Variants in KIAA0825 observed in about 807,000 individuals in gnomAD.
KIAA0825 encodes the protein KIAA0825.
In KIAA0825, 119 loss-of-function variants were observed where a neutral mutation model predicts 147.6. The ratio of observed to expected loss-of-function variants is 0.81; its 90% CI spans 0.69 to 0.94. The LOEUF is 0.94. Ranked by LOEUF, KIAA0825 falls within the 40% of genes least tolerant of loss-of-function variation. The probability of loss-of-function intolerance (pLI) is 0.00; values close to 1 mark genes in which losing one functional copy is unlikely to be tolerated. For synonymous variants in KIAA0825, 470 were observed against 518.1 expected (o/e 0.91, Z 1.26); for missense variants, 1,381 against 1,472.7 (o/e 0.94, Z 1.02).
chr5:94,182,716 ATTGCATACCTTGAGAGATTAT>A (rs1769777257), intron 20 of KIAA0825, among the ~76,000 whole-genome samples: 1 of 152,080 alleles, frequency 6.6e-6, no homozygotes, highest in Non-Finnish European at 1.5e-5. Context: ...TACTTCTAAT[ATTGCATACCTTGAGAGATTAT>A]TTGCAGTTAT....
At chr5:94,216,282 A>C (rs914821575) in intron 20 of KIAA0825, among the ~76,000 whole-genome samples, 2 of 152,208 alleles carry the variant, frequency 1.3e-5, no homozygotes, top group Admixed American at 6.5e-5. Flanking sequence ...AAGGAAGATC[A>C]CTGTGGAAGT....
intron 6 of KIAA0825, among the ~76,000 whole-genome samples, chr5:94,482,079 G>A (rs1456804148): frequency 6.6e-6 from 1 of 151,942 alleles, no homozygotes; most frequent in East Asian, 1.9e-4. Flanking sequence ...ATTTTTTGAA[G>A]TGACAAAAAT....
At chr5:94,332,543 A>G (rs1781392594) in intron 20 of KIAA0825, among the ~76,000 whole-genome samples, 2 of 152,152 alleles carry the variant, frequency 1.3e-5, no homozygotes, top group Non-Finnish European at 2.9e-5. Flanking sequence ...TGTCCCTGCA[A>G]AGACATTAAC....
intron 20 of KIAA0825, among the ~76,000 whole-genome samples, chr5:94,344,266 A>C (rs1782744648): frequency 6.6e-6 from 1 of 152,236 alleles, no homozygotes; most frequent in Non-Finnish European, 1.5e-5. Flanking sequence ...CACAGTAATA[A>C]AAAATATACA....
chr5:94,565,720 T>C (rs1339327192), intron 2 of KIAA0825, among the ~76,000 whole-genome samples: 1 of 152,170 alleles, frequency 6.6e-6, no homozygotes, highest in Non-Finnish European at 1.5e-5. Flanking sequence ...AGTGGGGAAA[T>C]AGTGTGTTCA....
intron 20 of KIAA0825, among the ~76,000 whole-genome samples, chr5:94,232,990 A>G (rs974708922): frequency 1.3e-5 from 2 of 152,196 alleles, no homozygotes; most frequent in Admixed American, 6.5e-5. Context: ...TAAAGTTTGC[A>G]TGGACTAAAA....
intron 20 of KIAA0825, among the ~76,000 whole-genome samples, chr5:94,240,023 C>T (rs906026658): frequency 5.3e-5 from 8 of 152,056 alleles, no homozygotes; most frequent in African/African-American, 1.9e-4. Flanking sequence ...TTTTGCATGA[C>T]AAAAGAGCAG....
chr5:94,483,065 C>A (rs189829811), intron 6 of KIAA0825, among the ~76,000 whole-genome samples: 25 of 152,060 alleles, frequency 1.6e-4, no homozygotes, highest in African/African-American at 5.8e-4. Flanking sequence ...CTCCACATTG[C>A]CTCATCTTAA....
intron 2 of KIAA0825, among the ~76,000 whole-genome samples, chr5:94,537,359 T>C (rs1772253618): frequency 6.6e-6 from 1 of 152,144 alleles, no homozygotes; most frequent in Non-Finnish European, 1.5e-5. Context: ...CTGTATTGTT[T>C]GAAAGCTGAG....
At chr5:94,600,957 C>T (rs1000095039) in intron 1 of KIAA0825, among the ~76,000 whole-genome samples, 2 of 152,082 alleles carry the variant, frequency 1.3e-5, no homozygotes, top group South Asian at 2.1e-4. Context: ...AGGGGTTGGC[C>T]GCCATCTTTG....
intron 14 of KIAA0825, among the ~76,000 whole-genome samples, chr5:94,422,386 A>G (rs546963494): frequency 6.6e-6 from 1 of 152,296 alleles, no homozygotes; most frequent in South Asian, 2.1e-4. Flanking sequence ...CCTTAGTCCA[A>G]TTATACTTCT....
At chr5:94,480,440 G>T (rs1762369983) in intron 6 of KIAA0825, among the ~76,000 whole-genome samples, 1 of 152,004 alleles carries the variant, frequency 6.6e-6, no homozygotes, top group Non-Finnish European at 1.5e-5. Flanking sequence ...TTAATGACAA[G>T]AAGGGACAAA....
At chr5:94,603,246 C>T (rs1264386872) in intron 1 of KIAA0825, among the ~76,000 whole-genome samples, 1 of 152,074 alleles carries the variant, frequency 6.6e-6, no homozygotes, top group Non-Finnish European at 1.5e-5. Flanking sequence ...ACCCTGCAAG[C>T]CAGAAGATAC....
intron 20 of KIAA0825, among the ~76,000 whole-genome samples, chr5:94,307,364 C>T (rs1275315698): frequency 2.0e-5 from 3 of 151,718 alleles, no homozygotes; most frequent in Non-Finnish European, 4.4e-5. Flanking sequence ...GCCCCTGTCA[C>T]CCTCTGATGT....
chr5:94,325,466 T>G lies in KIAA0825; in HGVS notation c.3710+58902A>C, dbSNP rs540300057. On this transcript the variant is annotated intron_variant, in intron 20 of 20. Coordinates refer to ENST00000682413, the MANE Select transcript of KIAA0825 (RefSeq NM_001145678.3). ...AGAAATTCATATTCATCATTTAAAT[T>G]TTCCCATGGATGTGACTATAAAATA... Among the ~76,000 whole-genome samples, 4 of 152,050 alleles carry G rather than the reference T, an allele frequency of 2.6e-5. No individual in the cohort carries two copies. The South Asian group carries it at 8.3e-4, about 32-fold the overall frequency.
At chr5:94,281,191 G>A (rs866469597) in intron 20 of KIAA0825, among the ~76,000 whole-genome samples, 1 of 128,730 alleles carries the variant, frequency 7.8e-6, no homozygotes, top group South Asian at 2.7e-4. Flanking sequence ...TCAAACATAA[G>A]TGATTTAACA....
intron 20 of KIAA0825, among the ~76,000 whole-genome samples, chr5:94,263,239 T>C (rs757581938): frequency 5.9e-5 from 9 of 152,194 alleles, no homozygotes; most frequent in Non-Finnish European, 1.3e-4. Context: ...GTTCTCTGAC[T>C]CATTTTTTTC....
chr5:94,208,905 T>C (rs932845856), intron 20 of KIAA0825, among the ~76,000 whole-genome samples: 3 of 152,212 alleles, frequency 2.0e-5, no homozygotes, highest in African/African-American at 7.2e-5. Context: ...TTTCTGTACA[T>C]TCAGAATCAC....
intron 1 of KIAA0825, among the ~76,000 whole-genome samples, chr5:94,590,919 G>A (rs7713222): frequency 0.012 from 1,838 of 152,236 alleles, 34 homozygotes; most frequent in African/African-American, 0.042. Flanking sequence ...TGAAAAAGGA[G>A]AGCAATGTAG....
Sources: gnomAD v4.1 joint callset for allele counts (sites outside exome capture counted in the v4.1 genomes callset) on GRCh38, gnomAD v4.1.1 for gene constraint, MANE v1.5 for transcripts, NCBI Gene and HGNC (gene_info 2026-07-23, HGNC 2026-07-21) for gene names.